The following LILRA4 variants were observed in gnomAD, a reference collection of about 807,000 sequenced individuals.
The protein encoded by LILRA4 is leukocyte immunoglobulin like receptor A4, also known as leukocyte immunoglobulin-like receptor subfamily A member 4.
LILRA4 carries 51 observed loss-of-function variants against 49.5 expected under a neutral mutation model. The ratio of observed to expected loss-of-function variants is 1.03; its 90% CI spans 0.82 to 1.30. The LOEUF is 1.30. LILRA4 is among the 50% of genes most tolerant of loss of function. The pLI, the probability that LILRA4 is intolerant of heterozygous loss-of-function variation, is 0.00. For missense variants in LILRA4, 624 were observed against 625.6 expected, an observed-to-expected ratio of 1.00 and a Z score of 0.03; for synonymous variants, 272 against 265.6, an observed-to-expected ratio of 1.02 and a Z score of -0.23.
intron 1 of LILRA4, 22 bp downstream of exon 1, chr19:54,339,038 C>T: frequency 6.2e-7 from 1 of 1,613,914 alleles, no homozygotes; most frequent in Non-Finnish European, 8.5e-7. Flanking sequence ...TAGGGTCTCT[C>T]CTCCCCCTCT....
At position 54,338,097 on chromosome 19, in the gene LILRA4, G is replaced by A. The variant is rs1281063053; in HGVS notation, c.494C>T (p.Thr165Ile). 1 of 1,614,100 alleles carries A rather than the reference G, an allele frequency of 6.2e-7. No homozygotes were observed. The highest frequency in any genetic ancestry group is 8.5e-7 in the Non-Finnish European group (1 of 1,180,000). ...ATGGTTGTGTTGGTGTGAGTTCAGG[G>A]TCCAGGAGAGCCTGTGGTCTCCTTC... Reference protein sequence around the residue: ...IEEGDHRLSWTLNSHQHNHGK... With the variant: ...IEEGDHRLSWILNSHQHNHGK... Residue 165 changes from threonine to isoleucine, a missense_variant, in exon 4 of 8, where the codon ACC (threonine) becomes ATC (isoleucine). Thr to Ile is a moderately conservative substitution (Grantham distance 89). Coordinates refer to ENST00000291759, the MANE Select transcript of LILRA4 (RefSeq NM_012276.5).
chr19:54,338,628 C>G lies in LILRA4; in HGVS notation c.123G>C (p.Trp41Cys), dbSNP rs1823562492. 6.2e-7 allele frequency: 1 copy of G among 1,613,872 alleles called. No homozygotes were observed. The highest frequency in any genetic ancestry group is 1.7e-5 in the Admixed American group (1 of 60,002). Residue 41 changes from tryptophan to cysteine, a missense_variant, in exon 3 of 8, where the codon TGG becomes TGC. Physicochemically the swap from Trp to Cys is radical, Grantham distance 215. Transcript: ENST00000291759. ...LWAEPGPVIT[W>C]HNPVTIWCQG... is the part of the protein sequence containing the mutation. Reference sequence around the variant, plus strand: ...GACACCAGATGGTCACGGGGTTATGCCAGGTGATCACGGGACCTGGCTCGG... The same window carrying G: ...GACACCAGATGGTCACGGGGTTATGGCAGGTGATCACGGGACCTGGCTCGG...
At chr19:54,337,772 A>G in intron 4 of LILRA4, 76 bp from the exon 5 acceptor site, 1 of 1,505,666 alleles carries the variant, frequency 6.6e-7, no homozygotes, top group African/African-American at 1.4e-5. Context: ...CTTCCTCACT[A>G]GGGTTTCCAG....
intron 6 of LILRA4, chr19:54,336,616 C>A (rs1475324983): frequency 1.4e-6 from 1 of 721,840 alleles, no homozygotes; most frequent in Non-Finnish European, 2.2e-6. Context: ...CTGGGCCCTC[C>A]CCTGTGGACC....
intron 5 of LILRA4, 35 bp downstream of exon 5, chr19:54,337,365 T>C (rs1402126675): frequency 5.0e-6 from 8 of 1,605,066 alleles, no homozygotes; most frequent in Middle Eastern, 2.3e-4. Context: ...GTGCAGAGCC[T>C]GGGTCCCCCT....
At chr19:54,337,190 G>A in intron 5 of LILRA4, 47 bp from the exon 6 acceptor site, 1 of 1,568,466 alleles carries the variant, frequency 6.4e-7, no homozygotes, top group Non-Finnish European at 8.7e-7. Flanking sequence ...CTTGTTCTGA[G>A]CTGAGACCTC....
At chr19:54,336,571 T>G in intron 6 of LILRA4, 1 of 595,884 alleles carries the variant, frequency 1.7e-6, no homozygotes, top group Non-Finnish European at 2.9e-6. Context: ...TTCCCCTCGG[T>G]GGGAGGTTCC....
chr19:54,336,696 G>A, intron 6 of LILRA4, 145 bp downstream of exon 6: 10 of 1,263,916 alleles, frequency 7.9e-6, no homozygotes, highest in Non-Finnish European at 1.1e-5. Context: ...GCTGAGAGAG[G>A]CTCAGGGCTC....
chr19:54,337,263 CG>C (rs1262817485), intron 5 of LILRA4, 120 bp from the exon 6 acceptor site: 74 of 1,369,016 alleles, frequency 5.4e-5, no homozygotes, highest in African/African-American at 3.7e-4. Flanking sequence ...TCCCCCTCCC[CG>C]CCCATCCCCT....
rs2081297698 is a variant in LILRA4 at position 54,333,917 on chromosome 19, G to A, written c.1304C>T (p.Thr435Ile). The A allele has an allele frequency of 2.5e-6, 4 of 1,613,920 alleles. No individual in the cohort carries two copies. Among genetic ancestry groups the A allele is most frequent in the Non-Finnish European group, 3.4e-6 (4 of 1,179,794 alleles). ...NPAQKKSDSK[T>I]APHLQDYTVE... is the part of the protein sequence containing the mutation. ...ACTGGGAGAATCTCCTCACTCACCA[G>A]TCTTGGAATCTGACTTCTTTTGTGC... Residue 435 changes from threonine (T) to isoleucine (I), a missense_variant and splice_region_variant, in exon 7 of 8, where the codon ACT becomes ATT. Physicochemically the swap from Thr to Ile is moderately conservative, Grantham distance 89. Transcript: ENST00000291759.
intron 6 of LILRA4, chr19:54,336,511 G>A (rs1022805716): frequency 6.0e-5 from 27 of 447,310 alleles, no homozygotes; most frequent in Admixed American, 2.4e-4. Context: ...AGGGGTGGGA[G>A]CCCAGGGTGG....
chr19:54,333,575 G>T lies in LILRA4; in HGVS notation c.1497C>A (p.Ile499=). The T allele has an allele frequency of 6.2e-7, 1 of 1,613,960 alleles. No individual in the cohort carries two copies. The highest frequency in any genetic ancestry group is 8.5e-7 in the Non-Finnish European group (1 of 1,179,954). Residue 499 remains isoleucine, a synonymous_variant, in exon 8 of 8, where the codon ATC becomes ATA. Coordinates refer to ENST00000291759, the MANE Select transcript of LILRA4 (RefSeq NM_012276.5). ...CTTCCAGAACCTCCTCAGATCATCA[G>T]ATCTGTTCCCAAGGCTCCACCACTC... ...PFRVVEPWEQ[I]
rs1451317062 is a variant in LILRA4 at position 54,333,498 on chromosome 19, G to A, written c.*74C>T. 1.4e-6 allele frequency: 2 copies of A among 1,450,788 alleles called. No homozygotes were observed. Among genetic ancestry groups the A allele is most frequent in the Non-Finnish European group, 1.9e-6 (2 of 1,039,302 alleles). 89.9% of individuals were successfully genotyped at this position (1,450,788 alleles called of 1,614,324 possible). The stretch of plus-strand genomic sequence containing the variant: ...AGACATCTTCCTGCACCTGACCCAT[G>A]CTTCTTCCCCTTGATATTCTCAGCA... On this transcript the variant is annotated 3_prime_UTR_variant, in exon 8 of 8. Transcript: ENST00000291759.
chr19:54,338,210 T>C lies in LILRA4; in HGVS notation c.381A>G (p.Ala127=), dbSNP rs7256494. 5.0e-6 allele frequency: 8 copies of C among 1,612,296 alleles called. No individual in the cohort carries two copies. The highest frequency in any genetic ancestry group is 3.3e-5 in the Admixed American group (2 of 59,870). ...CTGAGGTCACCACAGGGCTTGGCAG[T>C]GCGGACAGGGTGGGTCTGCTGTAGG... ...VTAYSRPTLS[A]LPSPVVTSGV... Residue 127 remains alanine (A), a synonymous_variant, in exon 4 of 8, where the codon GCA becomes GCG. Coordinates refer to ENST00000291759, the MANE Select transcript of LILRA4 (RefSeq NM_012276.5).
chr19:54,337,332 C>G lies in LILRA4; in HGVS notation c.952+68G>C. On this transcript the variant is annotated intron_variant, in intron 5 of 7. Coordinates refer to ENST00000291759, the MANE Select transcript of LILRA4 (RefSeq NM_012276.5). Reference sequence around the variant, plus strand: ...CCACCCCTCATCCCGGCCATCACCACCTGGGCTCCCCCAGCAGGGCCTGTG... The same window carrying G: ...CCACCCCTCATCCCGGCCATCACCAGCTGGGCTCCCCCAGCAGGGCCTGTG... The G allele has an allele frequency of 1.9e-6, 3 of 1,585,598 alleles. No homozygotes were observed. In the South Asian group the frequency reaches 3.4e-5, roughly 18 times the overall value.
rs1347966176 is a variant in LILRA4 at position 54,337,626 on chromosome 19, G to A, written c.726C>T (p.Leu242=). The A allele has an allele frequency of 6.2e-7, 1 of 1,613,792 alleles. No individual in the cohort carries two copies. The highest frequency in any genetic ancestry group is 1.1e-5 in the South Asian group (1 of 91,064). ...TGTAGCCGACATCAGAGCCACACTG[G>A]AGGGTCAGATTCTCTCCGGGGGTCA... is the stretch of plus-strand genomic sequence containing the variant. The part of the protein sequence containing the change: ...PVVTPGENLT[L]QCGSDVGYIR... Residue 242 remains leucine (L), a synonymous_variant, in exon 5 of 8, where the codon CTC becomes CTT. Coordinates refer to ENST00000291759, the MANE Select transcript of LILRA4 (RefSeq NM_012276.5).
At position 54,337,600 on chromosome 19, in the gene LILRA4, A is replaced by T. The variant is rs1420458863; in HGVS notation, c.752T>A (p.Ile251Asn). The T allele has an allele frequency of 1.2e-6, 2 of 1,613,122 alleles. No individual in the cohort carries two copies. Among genetic ancestry groups the T allele is most frequent in the Admixed American group, 3.3e-5 (2 of 59,956 alleles). The change falls in exon 5 of 8, where the codon ATC becomes AAC. Residue 251 changes from isoleucine to asparagine, a missense_variant. By Grantham distance (149) the Ile-to-Asn change is moderately radical. Transcript: ENST00000291759. ...CCCCTCCTTGTACAGAGTGTATCTG[A>T]TGTAGCCGACATCAGAGCCACACTG... ...TLQCGSDVGYIRYTLYKEGAD... is the reference protein window; with the variant it reads ...TLQCGSDVGYNRYTLYKEGAD...
In LILRA4 at chr19:54,333,564, T is replaced by G; in HGVS notation, c.*8A>C. ...GCTGCCCCAGTCTTCCAGAACCTCC[T>G]CAGATCATCAGATCTGTTCCCAAGG... On this transcript the variant is annotated 3_prime_UTR_variant, in exon 8 of 8. Coordinates refer to ENST00000291759, the MANE Select transcript of LILRA4 (RefSeq NM_012276.5). The G allele has an allele frequency of 6.2e-7, 1 of 1,613,114 alleles. No homozygotes were observed. Among genetic ancestry groups the G allele is most frequent in the South Asian group, 1.1e-5 (1 of 91,030 alleles).
At position 54,337,074 on chromosome 19, in the gene LILRA4, G is replaced by T; in HGVS notation, c.1022C>A (p.Thr341Asn). 6.2e-7 allele frequency: 1 copy of T among 1,614,066 alleles called. No individual in the cohort carries two copies. The highest frequency in any genetic ancestry group is 8.5e-7 in the Non-Finnish European group (1 of 1,179,996). ...GPTVTSGEKV[T>N]LLCQSWDPMF... Reference sequence around the variant, plus strand: ...CGGGTCCCATGACTGACACAGCAGGGTCACCTTCTCTCCTGAGGTCACCGT... The same window carrying T: ...CGGGTCCCATGACTGACACAGCAGGTTCACCTTCTCTCCTGAGGTCACCGT... Residue 341 changes from threonine to asparagine, a missense_variant, in exon 6 of 8, where the codon ACC (threonine) becomes AAC (asparagine). Coordinates refer to ENST00000291759, the MANE Select transcript of LILRA4 (RefSeq NM_012276.5).
Sources: allele counts gnomAD v4.1 joint callset, GRCh38; gene constraint gnomAD v4.1.1; transcripts MANE v1.5; gene names NCBI Gene and HGNC (gene_info 2026-07-23, HGNC 2026-07-21).